Variants in TMEM45B observed in about 807,000 individuals in gnomAD.
The protein encoded by TMEM45B is transmembrane protein 45B.
A neutral mutation model predicts 27.3 loss-of-function variants in TMEM45B; 29 were observed. The observed-to-expected ratio is 1.06, with a 90% CI of 0.79 to 1.45. TMEM45B has a LOEUF of 1.45. Ranked by LOEUF, TMEM45B falls within the 40% of genes most tolerant of loss-of-function variation. The pLI, the probability that TMEM45B is intolerant of heterozygous loss-of-function variation, is 0.00. For synonymous variants in TMEM45B, 143 were observed against 134.7 expected, an observed-to-expected ratio of 1.06 and a Z score of -0.43; for missense variants, 348 against 343.9, an observed-to-expected ratio of 1.01 and a Z score of -0.09.
intron 1 of TMEM45B, among the ~76,000 whole-genome samples, chr11:129,836,217 T>C (rs1947617986): frequency 6.6e-6 from 1 of 152,172 alleles, no homozygotes; most frequent in Non-Finnish European, 1.5e-5. Flanking sequence ...ACTTTTAAAC[T>C]AGAAATGTCT....
intron 1 of TMEM45B, among the ~76,000 whole-genome samples, chr11:129,827,996 A>C (rs1343614268): frequency 1.4e-5 from 2 of 147,854 alleles, no homozygotes; most frequent in African/African-American, 4.9e-5. Context: ...AAAGTATTAT[A>C]ATCTTATGGG....
chr11:129,825,475 A>C (rs762975398), intron 1 of TMEM45B, among the ~76,000 whole-genome samples: 13 of 151,928 alleles, frequency 8.6e-5, no homozygotes, highest in Non-Finnish European at 1.6e-4. Flanking sequence ...GTTTATGTGC[A>C]TGTCTGTCTG....
Position 129,847,411 on chromosome 11 carries a change from T to TTTTTTATTTG in TMEM45B, c.-8-5055_-8-5054insGTTTTTATTT, listed in dbSNP as rs1565370723. Among the ~76,000 whole-genome samples, 595 of 86,416 alleles carry TTTTTTATTTG rather than the reference T, an allele frequency of 6.9e-3. 10 individuals carry two copies. The highest frequency in any genetic ancestry group is 0.016 in the African/African-American group (543 of 33,490). 56.7% of individuals were successfully genotyped at this position (86,416 alleles called of 152,430 possible). Reference sequence around the variant, plus strand: ...TTTTTAAAAGCTTATGAAGTTATTTTTTTTTATTTTTTTTTATTGATCATT... The same window carrying TTTTTTATTTG: ...TTTTTAAAAGCTTATGAAGTTATTTTTTTTTATTTGTTTTTATTTTTTTTTATTGATCATT... On this transcript the variant is annotated intron_variant, in intron 1 of 5. Coordinates refer to ENST00000281441, the MANE Select transcript of TMEM45B (RefSeq NM_138788.5).
chr11:129,826,548 C>CACAAAAA (rs765482228), intron 1 of TMEM45B, among the ~76,000 whole-genome samples: 2 of 17,828 alleles, frequency 1.1e-4, no homozygotes, highest in East Asian at 1.8e-3. Flanking sequence ...GACTCTGTCA[C>CACAAAAA]AAAAAAAAAA....
At chr11:129,852,861 C>G (rs1418074593) in intron 2 of TMEM45B, 12 of 449,524 alleles carry the variant, frequency 2.7e-5, no homozygotes, top group Non-Finnish European at 4.5e-5. Flanking sequence ...GCTCTCACAT[C>G]ATGGGACACT....
At chr11:129,856,268 GTGGCGCAATCT>G (rs1315035349) in intron 4 of TMEM45B, among the ~76,000 whole-genome samples, 2 of 152,196 alleles carry the variant, frequency 1.3e-5, no homozygotes, top group African/African-American at 4.8e-5. Flanking sequence ...CTAGAATGCA[GTGGCGCAATCT>G]TGGCTGACTG....
In TMEM45B at chr11:129,857,673, G is replaced by A. The variant is rs535845848; in HGVS notation, c.716+215G>A. Among the ~76,000 whole-genome samples, 12 of 152,270 alleles carry A rather than the reference G, an allele frequency of 7.9e-5. No homozygotes were observed. In the South Asian group the frequency reaches 2.3e-3, roughly 29 times the overall value. On this transcript the variant is annotated intron_variant, in intron 5 of 5. Transcript: ENST00000281441. ...GCTTTTCAAAGTCATAGTAACCTGAGGGACCCAGGTTTCAAATGCAGGTCT... is the reference window on the plus strand; with the variant it reads ...GCTTTTCAAAGTCATAGTAACCTGAAGGACCCAGGTTTCAAATGCAGGTCT...
At chr11:129,845,608 G>A (rs951325529) in intron 1 of TMEM45B, among the ~76,000 whole-genome samples, 3 of 151,852 alleles carry the variant, frequency 2.0e-5, no homozygotes, top group Admixed American at 6.6e-5. Flanking sequence ...AATGAGGCAC[G>A]GAGGAACAAA....
intron 1 of TMEM45B, among the ~76,000 whole-genome samples, chr11:129,821,584 C>A (rs1947420683): frequency 6.6e-6 from 1 of 152,150 alleles, no homozygotes; most frequent in African/African-American, 2.4e-5. Context: ...GCTTTTTGAG[C>A]TTGTGCCCAT....
intron 1 of TMEM45B, among the ~76,000 whole-genome samples, chr11:129,822,985 C>T (rs1458708669): frequency 6.6e-6 from 1 of 151,768 alleles, no homozygotes; most frequent in African/African-American, 2.4e-5. Flanking sequence ...GGATTACAGG[C>T]GCCCACCACC....
chr11:129,816,133 G>A (rs1565360020), intron 1 of TMEM45B, among the ~76,000 whole-genome samples: 2 of 152,170 alleles, frequency 1.3e-5, no homozygotes, highest in Middle Eastern at 3.2e-3. Context: ...GCCCCCTCCG[G>A]GCTGCGGAAC....
chr11:129,823,411 G>A (rs1249415188), intron 1 of TMEM45B, among the ~76,000 whole-genome samples: 1 of 152,126 alleles, frequency 6.6e-6, no homozygotes, highest in Non-Finnish European at 1.5e-5. Flanking sequence ...TTTGCTGTTA[G>A]CTTTTCCTTC....
At chr11:129,828,871 G>T (rs1489629652) in intron 1 of TMEM45B, among the ~76,000 whole-genome samples, 2 of 152,152 alleles carry the variant, frequency 1.3e-5, no homozygotes, top group African/African-American at 2.4e-5. Flanking sequence ...TGCCCATTTA[G>T]GGTCAGCTAC....
At position 129,815,918 on chromosome 11, in the gene TMEM45B, A is replaced by AG; in HGVS notation, c.-9+25dup. On this transcript the variant is annotated intron_variant, in intron 1 of 5. Transcript: ENST00000281441. ...GCACAGGTCAGACGTCCGTACCCGCAGGGGGCTCGAACCTGGAGGAGGGCT... is the reference window on the plus strand; with the variant it reads ...GCACAGGTCAGACGTCCGTACCCGCAGGGGGGCTCGAACCTGGAGGAGGGCT... 2.4e-6 allele frequency: 3 copies of AG among 1,269,998 alleles called. No homozygotes were observed. The highest frequency in any genetic ancestry group is 2.0e-6 in the Non-Finnish European group (2 of 1,012,538). 78.7% of individuals were successfully genotyped at this position (1,269,998 alleles called of 1,614,324 possible). A position where few individuals can be genotyped will look rare whatever the true frequency, so the allele number is the denominator to read the frequency against.
intron 1 of TMEM45B, among the ~76,000 whole-genome samples, chr11:129,847,411 T>TTTTTTTATTTA (rs1555072241): frequency 6.1e-4 from 53 of 86,418 alleles, no homozygotes; most frequent in Middle Eastern, 5.3e-3. Flanking sequence ...GAAGTTATTT[T>TTTTTTTATTTA]TTTTTATTTT....
intron 1 of TMEM45B, among the ~76,000 whole-genome samples, chr11:129,847,416 T>TA (rs1555072218): frequency 5.3e-5 from 8 of 151,512 alleles, no homozygotes; most frequent in African/African-American, 1.9e-4. Flanking sequence ...TATTTTTTTT[T>TA]ATTTTTTTTT....
intron 1 of TMEM45B, among the ~76,000 whole-genome samples, chr11:129,849,117 A>G (rs1426641588): frequency 2.0e-5 from 3 of 152,204 alleles, no homozygotes; most frequent in Admixed American, 6.5e-5. Flanking sequence ...AATCATTCCA[A>G]CATGAACTTT....
intron 4 of TMEM45B, 30 bp downstream of exon 4, chr11:129,855,922 G>T (rs753290079): frequency 6.8e-6 from 11 of 1,611,924 alleles, no homozygotes; most frequent in Non-Finnish European, 9.3e-6. Flanking sequence ...CCCCTCGCTG[G>T]TCTGGATGGA....
chr11:129,841,482 G>C (rs887284092), intron 1 of TMEM45B, among the ~76,000 whole-genome samples: 2 of 151,584 alleles, frequency 1.3e-5, no homozygotes, highest in Admixed American at 1.3e-4. Flanking sequence ...ACCTGAGAGA[G>C]CCCAGCAAGG....
Sources: gnomAD v4.1 joint callset for allele counts (sites outside exome capture counted in the v4.1 genomes callset) on GRCh38, gnomAD v4.1.1 for gene constraint, MANE v1.5 for transcripts, NCBI Gene and HGNC (gene_info 2026-07-23, HGNC 2026-07-21) for gene names.